Variants in FARS2 observed in about 807,000 individuals in gnomAD.
FARS2 encodes the protein phenylalanyl-tRNA synthetase 2, mitochondrial, also known as phenylalanine--tRNA ligase, mitochondrial.
A neutral mutation model predicts 46.4 loss-of-function variants in FARS2; 40 were observed. The observed-to-expected ratio is 0.86, with a 90% CI of 0.67 to 1.12. The LOEUF (loss-of-function observed/expected upper bound fraction) is 1.12, where lower values mean the gene tolerates loss of function less well. Ranked by LOEUF, FARS2 falls within the 50% of genes most tolerant of loss-of-function variation. FARS2 has a pLI of 0.00. For missense variants in FARS2, 513 were observed against 567.9 expected (o/e 0.90, Z 0.98); for synonymous variants, 234 against 214.9 (o/e 1.09, Z -0.78).
chr6:5,732,677 C>T (rs957542763), intron 6 of FARS2, among the ~76,000 whole-genome samples: 4 of 152,240 alleles, frequency 2.6e-5, no homozygotes, highest in African/African-American at 9.7e-5. Flanking sequence ...TCCCCGGACA[C>T]ATCAAGCTTT....
rs1028306027 is a variant in FARS2 at position 5,343,193 on chromosome 6, CTG to C, written c.-21-25355_-21-25354del. Among the ~76,000 whole-genome samples the C allele has an allele frequency of 5.3e-5, 8 of 152,228 alleles. No individual in the cohort carries two copies. Among genetic ancestry groups the C allele is most frequent in the African/African-American group, 1.9e-4 (8 of 41,540 alleles). ...CTGTTGTTTATTACTGTAGACAAAA[CTG>C]TACATTTCATTTATTTATCTATTTA... On this transcript the variant is annotated intron_variant, in intron 1 of 6. Coordinates refer to ENST00000274680, the MANE Select transcript of FARS2 (RefSeq NM_006567.5). The surrounding 1 kb of genome is among the most constrained non-coding windows in gnomAD (Gnocchi z 4.5).
intron 1 of FARS2, among the ~76,000 whole-genome samples, chr6:5,266,573 G>A (rs931998930): frequency 6.6e-6 from 1 of 152,188 alleles, no homozygotes; most frequent in African/African-American, 2.4e-5. Flanking sequence ...CAGCTGGAAA[G>A]TAGCTAGTGT....
intron 2 of FARS2, among the ~76,000 whole-genome samples, chr6:5,394,475 C>T (rs1331719297): frequency 2.0e-5 from 3 of 152,094 alleles, no homozygotes; most frequent in African/African-American, 7.2e-5. Context: ...GGTGTTCGCA[C>T]AATGACAAAA....
chr6:5,478,313 A>C (rs559061260), intron 4 of FARS2, among the ~76,000 whole-genome samples: 1 of 152,224 alleles, frequency 6.6e-6, no homozygotes, highest in Admixed American at 6.5e-5. Context: ...AGTATGGTAC[A>C]GACAGATAGG....
At chr6:5,685,701 A>G (rs1028518970) in intron 6 of FARS2, among the ~76,000 whole-genome samples, 1 of 152,140 alleles carries the variant, frequency 6.6e-6, no homozygotes, top group Non-Finnish European at 1.5e-5. Context: ...ACGCTGGGGT[A>G]AGGGGAACAT....
chr6:5,415,514 G>A (rs578197488), intron 3 of FARS2, among the ~76,000 whole-genome samples: 168 of 150,798 alleles, frequency 1.1e-3, no homozygotes, highest in African/African-American at 3.8e-3. Context: ...ACAGAGTTTC[G>A]CTATGTTAGC....
intron 1 of FARS2, among the ~76,000 whole-genome samples, chr6:5,304,510 G>A (rs1318771260): frequency 1.3e-5 from 2 of 152,148 alleles, no homozygotes; most frequent in Non-Finnish European, 1.5e-5. Context: ...CTTCTAAAAC[G>A]TATTGGCAGA....
intron 6 of FARS2, among the ~76,000 whole-genome samples, chr6:5,640,592 T>A (rs61324636): frequency 0.076 from 11,574 of 152,212 alleles, 1,270 homozygotes; most frequent in African/African-American, 0.24. Flanking sequence ...AGGCATGGGA[T>A]TGAGGCAGCG....
intron 1 of FARS2, among the ~76,000 whole-genome samples, chr6:5,333,289 T>C (rs1770927381): frequency 6.6e-6 from 1 of 152,220 alleles, no homozygotes; most frequent in African/African-American, 2.4e-5. Flanking sequence ...TCCCATTTCA[T>C]CTGAGTAGCC....
chr6:5,473,549 A>AAC (rs1561645422), intron 4 of FARS2, among the ~76,000 whole-genome samples: 1 of 149,988 alleles, frequency 6.7e-6, no homozygotes, highest in Non-Finnish European at 1.5e-5. Flanking sequence ...AAAAAACAAA[A>AAC]AAAAAAAACA....
intron 4 of FARS2, among the ~76,000 whole-genome samples, chr6:5,527,854 G>A (rs1398356324): frequency 6.6e-6 from 1 of 152,200 alleles, no homozygotes; most frequent in Non-Finnish European, 1.5e-5. Context: ...AAAACTGTTT[G>A]TTGCAATGAT....
rs1468809900 is a variant in FARS2 at position 5,511,800 on chromosome 6, A to T, written c.905-33380A>T. ...TAGCTTTGAGGGATCTAGAAGTCTC[A>T]TAAGCACCCCTTTTATTTCTCTGAG... On this transcript the variant is annotated intron_variant, in intron 4 of 6. Coordinates refer to ENST00000274680, the MANE Select transcript of FARS2 (RefSeq NM_006567.5). Among the ~76,000 whole-genome samples, 4 of 152,310 alleles carry T rather than the reference A, an allele frequency of 2.6e-5. 1 individual carries two copies. The highest frequency in any genetic ancestry group is 9.6e-5 in the African/African-American group (4 of 41,570).
chr6:5,259,438 C>A (rs988448338), upstream of FARS2, among the ~76,000 whole-genome samples: 5 of 152,236 alleles, frequency 3.3e-5, no homozygotes, highest in African/African-American at 1.2e-4. Context: ...AACCACTTAA[C>A]TGGGTGGATA....
intron 4 of FARS2, among the ~76,000 whole-genome samples, chr6:5,432,472 T>A (rs1468290149): frequency 4.6e-5 from 6 of 129,194 alleles, no homozygotes; most frequent in East Asian, 4.1e-4. Context: ...TTATATATAT[T>A]TTTTATATAT....
intron 6 of FARS2, among the ~76,000 whole-genome samples, chr6:5,740,343 G>C (rs1761253714): frequency 6.6e-6 from 1 of 152,166 alleles, no homozygotes; most frequent in South Asian, 2.1e-4. Flanking sequence ...CCTCATTGTA[G>C]AGCAGCCTGC....
intron 6 of FARS2, among the ~76,000 whole-genome samples, chr6:5,681,580 CT>C (rs1358069980): frequency 2.6e-5 from 4 of 152,190 alleles, no homozygotes; most frequent in Admixed American, 6.5e-5. Flanking sequence ...AAGAAAATCA[CT>C]CCTTTGCAGC....
intron 1 of FARS2, among the ~76,000 whole-genome samples, chr6:5,314,442 C>T (rs1278418096): frequency 6.6e-6 from 1 of 152,056 alleles, no homozygotes; most frequent in Non-Finnish European, 1.5e-5. Flanking sequence ...CTGCAGGGGT[C>T]ATTCTACCAG....
At chr6:5,274,206 T>C (rs529967064) in intron 1 of FARS2, among the ~76,000 whole-genome samples, 5 of 152,234 alleles carry the variant, frequency 3.3e-5, no homozygotes, top group Admixed American at 6.5e-5. Flanking sequence ...ATTAGTTGGC[T>C]ACCCATCAGC....
At chr6:5,604,211 G>C (rs1027637767) in intron 5 of FARS2, among the ~76,000 whole-genome samples, 1 of 152,180 alleles carries the variant, frequency 6.6e-6, no homozygotes, top group Non-Finnish European at 1.5e-5. Context: ...AGGGGGCCCT[G>C]ACAGAGCCGT....
Sources: gnomAD v4.1 joint callset for allele counts (sites outside exome capture counted in the v4.1 genomes callset) on GRCh38, gnomAD v4.1.1 for gene constraint, Gnocchi (gnomAD v3.1) non-coding constraint, MANE v1.5 for transcripts, NCBI Gene and HGNC (gene_info 2026-07-23, HGNC 2026-07-21) for gene names.